Variants in MTERF3 observed in about 807,000 individuals in gnomAD.
MTERF3 encodes mitochondrial transcription termination factor 3.
In MTERF3, 40 loss-of-function variants were observed where a neutral mutation model predicts 40.5. That is an observed-to-expected ratio of 0.99 (90% CI 0.77 to 1.29). The LOEUF (loss-of-function observed/expected upper bound fraction) is 1.29, where lower values mean the gene tolerates loss of function less well. MTERF3 is among the 50% of genes most tolerant of loss of function. The probability of loss-of-function intolerance (pLI) is 0.00; values close to 1 mark genes in which losing one functional copy is unlikely to be tolerated. For synonymous variants in MTERF3, 158 were observed against 166.6 expected, an observed-to-expected ratio of 0.95 and a Z score of 0.40; for missense variants, 452 against 478.2, an observed-to-expected ratio of 0.95 and a Z score of 0.51.
intron 7 of MTERF3, among the ~76,000 whole-genome samples, chr8:96,241,111 G>T (rs905815599): frequency 6.6e-6 from 1 of 151,810 alleles, no homozygotes; most frequent in African/African-American, 2.4e-5. Context: ...GTGATTCTTG[G>T]CTTAAAAAAC....
chr8:96,250,675 A>AGGAGG lies in MTERF3; in HGVS notation c.677+230_677+231insCCTCC, dbSNP rs1563549045. ...GAAGAAGAAGAAGAAGAAGAAGAAG[A>AGGAGG]AGAAGAAGGAGGAGGAGGAGGGGGG... On this transcript the variant is annotated intron_variant, in intron 4 of 7. Coordinates refer to ENST00000287025, the MANE Select transcript of MTERF3 (RefSeq NM_015942.5). Among the ~76,000 whole-genome samples, 16 of 31,444 alleles carry AGGAGG rather than the reference A, an allele frequency of 5.1e-4. 6 individuals are homozygous for AGGAGG. The highest frequency in any genetic ancestry group is 3.5e-3 in the African/African-American group (14 of 4,052). 20.6% of individuals were successfully genotyped at this position (31,444 alleles called of 152,430 possible).
chr8:96,240,535 T>C (rs1280470824), intron 7 of MTERF3, among the ~76,000 whole-genome samples: 1 of 152,206 alleles, frequency 6.6e-6, no homozygotes, highest in East Asian at 1.9e-4. Context: ...AGGGAAAGTA[T>C]GTCTTACCTG....
intron 4 of MTERF3, among the ~76,000 whole-genome samples, chr8:96,250,684 G>GAAGAAGAAGAAGAAGAAGA (rs1174594294): frequency 1.5e-4 from 2 of 13,530 alleles, no homozygotes; most frequent in Non-Finnish European, 5.5e-4. Context: ...GAAGAAGAAG[G>GAAGAAGAAGAAGAAGAAGA]AGGAGGAGGA....
Position 96,258,594 on chromosome 8 carries a change from G to C in MTERF3, c.97C>G (p.Pro33Ala). Residue 33 changes from proline to alanine, a missense_variant, in exon 2 of 8, where the codon CCA becomes GCA. Physicochemically the swap from Pro to Ala is conservative, Grantham distance 27. Transcript: ENST00000287025. ...AAGCCATGTAACAGTGTTCTTGCTG[G>C]TCTAGTAAAACGTTTTGTGAGTTGT... ...AAQLTKRFTR[P>A]ARTLLHGFSA... is the part of the protein sequence containing the mutation. 1 of 1,614,086 alleles carries C rather than the reference G, an allele frequency of 6.2e-7. No homozygotes were observed. Among genetic ancestry groups the C allele is most frequent in the Non-Finnish European group, 8.5e-7 (1 of 1,179,974 alleles).
chr8:96,249,007 T>C (rs1810073094), intron 4 of MTERF3, among the ~76,000 whole-genome samples: 1 of 152,216 alleles, frequency 6.6e-6, no homozygotes, highest in Non-Finnish European at 1.5e-5. Flanking sequence ...ACAGCTTAAT[T>C]TGATAGCCAG....
intron 6 of MTERF3, among the ~76,000 whole-genome samples, chr8:96,245,275 C>G (rs972677530): frequency 3.3e-4 from 50 of 152,290 alleles, no homozygotes; most frequent in African/African-American, 1.2e-3. Flanking sequence ...ATTTCAAATA[C>G]TACTACAGCT....
intron 7 of MTERF3, among the ~76,000 whole-genome samples, chr8:96,241,351 A>C (rs1444629530): frequency 2.0e-5 from 3 of 151,800 alleles, no homozygotes; most frequent in Non-Finnish European, 4.4e-5. Context: ...CGGCGGTTGC[A>C]CTGAGCCGAG....
chr8:96,248,100 G>A (rs1387698725), intron 4 of MTERF3, among the ~76,000 whole-genome samples: 2 of 152,216 alleles, frequency 1.3e-5, no homozygotes, highest in African/African-American at 4.8e-5. Context: ...CAGGGAAGCT[G>A]GCACTTCTGT....
At chr8:96,249,928 A>G (rs958029895) in intron 4 of MTERF3, among the ~76,000 whole-genome samples, 1 of 152,190 alleles carries the variant, frequency 6.6e-6, no homozygotes. Context: ...TATTCAGTGA[A>G]TCTGGGAATA....
intron 3 of MTERF3, among the ~76,000 whole-genome samples, chr8:96,252,657 A>G (rs1023544206): frequency 2.0e-5 from 3 of 152,252 alleles, no homozygotes; most frequent in Admixed American, 2.0e-4. Flanking sequence ...AATAAATCCA[A>G]TTATTAGATG....
chr8:96,261,601 C>G lies in MTERF3; in HGVS notation c.-111G>C, dbSNP rs2280262. On this transcript the variant is annotated 5_prime_UTR_variant, in exon 1 of 8. Coordinates refer to ENST00000287025, the MANE Select transcript of MTERF3 (RefSeq NM_015942.5). ...CGCGCCGCACGCCGGCTCCTCAGCC[C>G]GCCCTACACAGCGCAGCCGCGCTCC... is the stretch of plus-strand genomic sequence containing the variant. 0.059 allele frequency: 9,198 copies of G among 155,030 alleles called. 833 individuals are homozygous for G. The highest frequency in any genetic ancestry group is 0.2 in the African/African-American group (8,195 of 41,562). The allele number at this position is 155,030 out of a possible 1,614,324, so 9.6% of individuals were successfully genotyped here.
rs762204307 is a variant in MTERF3, at chr8:96,244,053, G to A, written c.925C>T (p.His309Tyr). Residue 309 changes from histidine (H) to tyrosine (Y), a missense_variant, in exon 7 of 8, where the codon CAT becomes TAT. Coordinates refer to ENST00000287025, the MANE Select transcript of MTERF3 (RefSeq NM_015942.5). ...GTGATCATATGTTGAATTTCGTTAT[G>A]TTTAAAACCAAGTTCAAGACGATAA... The part of the protein sequence containing the change: ...KVYRLELGFK[H>Y]NEIQHMITRI... 4 of 1,612,932 alleles carry A rather than the reference G, an allele frequency of 2.5e-6. No individual in the cohort carries two copies. The South Asian group carries it at 4.4e-5, about 18-fold the overall frequency.
intron 3 of MTERF3, among the ~76,000 whole-genome samples, chr8:96,253,559 T>G (rs924229763): frequency 2.6e-5 from 4 of 152,056 alleles, no homozygotes; most frequent in African/African-American, 9.7e-5. Flanking sequence ...AGGACTTGGG[T>G]ACTCAAAAAT....
chr8:96,259,324 A>G (rs1345147517), intron 1 of MTERF3, among the ~76,000 whole-genome samples: 1 of 152,212 alleles, frequency 6.6e-6, no homozygotes, highest in Non-Finnish European at 1.5e-5. Context: ...TGTTCTTCCA[A>G]AGGGAATTGA....
At chr8:96,260,659 CA>C (rs1257131331) in intron 1 of MTERF3, among the ~76,000 whole-genome samples, 3 of 152,204 alleles carry the variant, frequency 2.0e-5, no homozygotes, top group Non-Finnish European at 4.4e-5. Context: ...GACTCACTTT[CA>C]AATTTCACCC....
At chr8:96,254,243 T>C (rs1459451977) in intron 3 of MTERF3, among the ~76,000 whole-genome samples, 1 of 152,226 alleles carries the variant, frequency 6.6e-6, no homozygotes, top group Non-Finnish European at 1.5e-5. Context: ...AATTAACATA[T>C]TCATTACCTT....
chr8:96,240,359 T>C (rs1273975801), intron 7 of MTERF3, among the ~76,000 whole-genome samples: 1 of 152,148 alleles, frequency 6.6e-6, no homozygotes, highest in Non-Finnish European at 1.5e-5. Flanking sequence ...ATGATTCTGA[T>C]ATCTACCAAG....
At chr8:96,255,185 A>G (rs1810257059) in intron 3 of MTERF3, among the ~76,000 whole-genome samples, 1 of 152,212 alleles carries the variant, frequency 6.6e-6, no homozygotes, top group African/African-American at 2.4e-5. Context: ...GACTATCAAG[A>G]TAGGAGGCTC....
At chr8:96,258,743 T>C in intron 1 of MTERF3, 43 bp from the exon 2 acceptor site, 1 of 1,394,220 alleles carries the variant, frequency 7.2e-7, no homozygotes, top group Non-Finnish European at 9.8e-7. Flanking sequence ...AGAAATTTAA[T>C]TTACTTAAAT....
Sources: allele counts gnomAD v4.1 joint callset (sites outside exome capture counted in the v4.1 genomes callset), GRCh38; gene constraint gnomAD v4.1.1; transcripts MANE v1.5; gene names NCBI Gene and HGNC (gene_info 2026-07-23, HGNC 2026-07-21).